The following RIMBP2 variants were observed in gnomAD, a reference collection of about 807,000 sequenced individuals.
RIMBP2 encodes RIMS-binding protein 2.
RIMBP2 carries 48 observed loss-of-function variants against 118.6 expected under a neutral mutation model. The observed-to-expected ratio is 0.40, with a 90% CI of 0.32 to 0.51. The LOEUF is 0.51. Ranked by LOEUF, RIMBP2 falls within the 20% of genes least tolerant of loss-of-function variation. RIMBP2 has a pLI of 0.41. For synonymous variants in RIMBP2, 762 were observed against 742.9 expected, an observed-to-expected ratio of 1.03 and a Z score of -0.42; for missense variants, 1,551 against 1,768.3, an observed-to-expected ratio of 0.88 and a Z score of 2.20.
intron 1 of RIMBP2, among the ~76,000 whole-genome samples, chr12:130,653,064 A>G (rs1384141002): frequency 6.6e-6 from 1 of 152,114 alleles, no homozygotes; most frequent in African/African-American, 2.4e-5. Flanking sequence ...TGGTCCCCCA[A>G]ATCTCATGTC....
rs755628434 is a variant in RIMBP2, at chr12:130,412,637, T to C, written c.3571A>G (p.Thr1191Ala). Residue 1191 changes from threonine (T) to alanine (A), a missense_variant, in exon 19 of 23, where the codon ACA (threonine) becomes GCA (alanine). By Grantham distance (58) the Thr-to-Ala change is moderately conservative (BLOSUM62 0). Around this residue, in one of 5 missense-constraint regions of RIMBP2, gnomAD observed 1,038 missense variants for 1,125.1 expected, o/e 0.92. Coordinates refer to ENST00000690449, the MANE Select transcript of RIMBP2 (RefSeq NM_001393629.1). The stretch of plus-strand genomic sequence containing the variant: ...CGCTTACCTATTTTCTCCACAGGTG[T>C]ATTCAGAGGGAGAAAGCCCTGTCTA... ...LLRQGFLPLN[T>A]PVEKIERSRR... is the part of the protein sequence containing the mutation. 1.2e-6 allele frequency: 2 copies of C among 1,614,012 alleles called. No homozygotes were observed. Among genetic ancestry groups the C allele is most frequent in the Non-Finnish European group, 1.7e-6 (2 of 1,179,978 alleles).
In RIMBP2 at chr12:130,407,713, G is replaced by A. The variant is rs760638328; in HGVS notation, c.3693+13C>T. ...GGTTGTGTCCGTCATGAAGTGCAGT[G>A]TTTGGCTGGTACCTCGACATCGACG... is the stretch of plus-strand genomic sequence containing the variant. On this transcript the variant is annotated intron_variant, in intron 20 of 22. Coordinates refer to ENST00000690449, the MANE Select transcript of RIMBP2 (RefSeq NM_001393629.1). 3.7e-6 allele frequency: 6 copies of A among 1,605,498 alleles called. No individual in the cohort carries two copies. Among genetic ancestry groups the A allele is most frequent in the Non-Finnish European group, 5.1e-6 (6 of 1,172,076 alleles).
intron 2 of RIMBP2, among the ~76,000 whole-genome samples, chr12:130,593,278 G>A (rs922428534): frequency 6.6e-6 from 1 of 152,206 alleles, no homozygotes; most frequent in Non-Finnish European, 1.5e-5. Flanking sequence ...GCAACAGGGC[G>A]TCGTTCACAC....
chr12:130,417,033 A>T (rs988655745), intron 17 of RIMBP2, among the ~76,000 whole-genome samples: 7 of 152,230 alleles, frequency 4.6e-5, no homozygotes, highest in Admixed American at 3.9e-4. Flanking sequence ...AGACAAAATC[A>T]CAATGAGATA....
intron 2 of RIMBP2, among the ~76,000 whole-genome samples, 189 bp from the exon 3 acceptor site, chr12:130,518,106 A>G (rs1178336195): frequency 6.6e-6 from 1 of 152,228 alleles, no homozygotes; most frequent in Non-Finnish European, 1.5e-5. Context: ...CAAATCTACA[A>G]AAGGCAATCA....
chr12:130,712,779 G>GGT (rs971498353), intron 1 of RIMBP2, among the ~76,000 whole-genome samples: 1 of 152,078 alleles, frequency 6.6e-6, no homozygotes, highest in Admixed American at 6.6e-5. Context: ...CAGCACAGTG[G>GGT]GTTCACCCAC....
Position 130,436,847 on chromosome 12 carries a change from T to A in RIMBP2, c.2101A>T (p.Ser701Cys). 6.9e-7 allele frequency: 1 copy of A among 1,448,298 alleles called. No homozygotes were observed. Among genetic ancestry groups the A allele is most frequent in the East Asian group, 2.6e-5 (1 of 38,152 alleles). 89.7% of individuals were successfully genotyped at this position (1,448,298 alleles called of 1,614,324 possible). The change falls in exon 13 of 23, where the codon AGC (serine) becomes TGC (cysteine). Residue 701 changes from serine (S) to cysteine (C), a missense_variant. Physicochemically the swap from Ser to Cys is moderately radical, Grantham distance 112. Coordinates refer to ENST00000690449, the MANE Select transcript of RIMBP2 (RefSeq NM_001393629.1). ...GGCGGGAGCCCCAGCCTTACCCTGC[T>A]GCTCTCGGCCACCCTCTGCGCGGCC... ...REAAQRVAES[S>C]RLEKRSVFLE...
At chr12:130,569,570 G>A (rs772492633) in intron 2 of RIMBP2, among the ~76,000 whole-genome samples, 4 of 152,234 alleles carry the variant, frequency 2.6e-5, no homozygotes, top group Non-Finnish European at 4.4e-5. Context: ...AGGGTTGCAG[G>A]TGCAGCCTGG....
intron 1 of RIMBP2, among the ~76,000 whole-genome samples, chr12:130,684,205 T>A (rs1208858349): frequency 6.6e-6 from 1 of 152,076 alleles, no homozygotes. Flanking sequence ...AATCAGAAAA[T>A]TTTTAAATCT....
chr12:130,607,635 A>G (rs1312151156), intron 2 of RIMBP2, among the ~76,000 whole-genome samples: 1 of 151,764 alleles, frequency 6.6e-6, no homozygotes, highest in Non-Finnish European at 1.5e-5. Context: ...CTGTTTCTCC[A>G]CACTCAGCCC....
Position 130,615,954 on chromosome 12 carries a change from C to T in RIMBP2, c.-217+12368G>A, listed in dbSNP as rs143255822. ...ACGCCTCTTAGATGCCCTCCTGCTC[C>T]GGGCGGGGACGTGGTCTGGACAACA... On this transcript the variant is annotated intron_variant, in intron 2 of 22. Transcript: ENST00000690449. Among the ~76,000 whole-genome samples the T allele has an allele frequency of 2.9e-3, 437 of 152,206 alleles. 3 individuals are homozygous for T. Among genetic ancestry groups the T allele is most frequent in the Non-Finnish European group, 4.6e-3 (313 of 68,010 alleles).
intron 2 of RIMBP2, among the ~76,000 whole-genome samples, chr12:130,522,695 C>T (rs2052273729): frequency 6.6e-6 from 1 of 152,154 alleles, no homozygotes; most frequent in Non-Finnish European, 1.5e-5. Flanking sequence ...GAGGCACGGA[C>T]TTCCTGTGCG....
intron 1 of RIMBP2, among the ~76,000 whole-genome samples, chr12:130,655,853 G>A (rs1228694854): frequency 6.6e-6 from 1 of 152,218 alleles, no homozygotes; most frequent in Admixed American, 6.5e-5. Context: ...CTCAGGTCAA[G>A]GCACAGGCGA....
At chr12:130,534,165 TAAAA>T (rs35683242) in intron 2 of RIMBP2, among the ~76,000 whole-genome samples, 2 of 95,216 alleles carry the variant, frequency 2.1e-5, no homozygotes, top group Non-Finnish European at 2.0e-5. Flanking sequence ...AACTCCATCT[TAAAA>T]AAAAAAAAAA....
At chr12:130,659,136 G>A (rs761866337) in intron 1 of RIMBP2, among the ~76,000 whole-genome samples, 3 of 152,112 alleles carry the variant, frequency 2.0e-5, no homozygotes, top group Non-Finnish European at 2.9e-5. Context: ...GAGAAACACC[G>A]TGTCAGCCAC....
intron 2 of RIMBP2, among the ~76,000 whole-genome samples, chr12:130,610,830 G>A (rs1259523312): frequency 1.3e-5 from 2 of 152,106 alleles, no homozygotes; most frequent in East Asian, 3.9e-4. Flanking sequence ...AAAGTGCTGG[G>A]ATTACAGGCG....
In RIMBP2 at chr12:130,397,369, C is replaced by A. The variant is rs2074142285; in HGVS notation, c.4081G>T (p.Val1361Leu). Residue 1361 changes from valine (V) to leucine (L), a missense_variant, in exon 23 of 23, where the codon GTG becomes TTG. By Grantham distance (32) the Val-to-Leu change is conservative (BLOSUM62 1). This residue lies in a region of RIMBP2 where 1,038 missense variants were observed against 1,125.1 expected (regional missense o/e 0.92). Transcript: ENST00000690449. ...GTCCGGAAGCACATGAATCATTTCA[C>A]TGCACCCAGCTTTTTCAGCAGTTTC... ...GKKLLKKLGA[V>L]K 2.5e-6 allele frequency: 1 copy of A among 398,942 alleles called. No homozygotes were observed. Among genetic ancestry groups the A allele is most frequent in the South Asian group, 1.3e-4 (1 of 7,858 alleles). The allele number at this position is 398,942 out of a possible 1,614,324, so 24.7% of individuals were successfully genotyped here.
chr12:130,494,212 G>A (rs1156894856), intron 4 of RIMBP2, among the ~76,000 whole-genome samples: 2 of 152,070 alleles, frequency 1.3e-5, no homozygotes. Flanking sequence ...CCCCGCCCTG[G>A]CCCTCCTGGA....
intron 2 of RIMBP2, among the ~76,000 whole-genome samples, chr12:130,558,239 A>G (rs2056533539): frequency 6.6e-6 from 1 of 151,972 alleles, no homozygotes; most frequent in African/African-American, 2.4e-5. Context: ...TTCTCCCCTC[A>G]TTGTCTCACG....
Sources: allele counts gnomAD v4.1 joint callset (sites outside exome capture counted in the v4.1 genomes callset), GRCh38; gene constraint gnomAD v4.1.1; regional missense constraint gnomAD v4.1.1; transcripts MANE v1.5; gene names NCBI Gene and HGNC (gene_info 2026-07-23, HGNC 2026-07-21).